Variants in STRIP2 observed in about 807,000 individuals in gnomAD.
The protein encoded by STRIP2 is striatin interacting protein 2, also known as striatin-interacting protein 2.
Under a neutral mutation model 107.1 loss-of-function variants are expected in STRIP2, and 84 were observed. The ratio of observed to expected loss-of-function variants is 0.78; its 90% CI spans 0.66 to 0.94. The LOEUF is 0.94. STRIP2 is among the 40% of genes least tolerant of loss of function. The probability of loss-of-function intolerance (pLI) is 0.00; values close to 1 mark genes in which losing one functional copy is unlikely to be tolerated. For missense variants in STRIP2, 888 were observed against 1,034.2 expected, an observed-to-expected ratio of 0.86 and a Z score of 1.94; for synonymous variants, 394 against 400.4, an observed-to-expected ratio of 0.98 and a Z score of 0.19.
At chr7:129,470,559 G>A in intron 17 of STRIP2, 90 bp from the exon 18 acceptor site, 1 of 1,080,398 alleles carries the variant, frequency 9.3e-7, no homozygotes, top group Non-Finnish European at 1.4e-6. Flanking sequence ...AGGGGCTGCT[G>A]GAGAGAAATA....
At position 129,486,355 on chromosome 7, in the gene STRIP2, CCTT is replaced by C. The variant is rs1213236449; in HGVS notation, c.*530_*532del. 6.3e-6 allele frequency: 1 copy of C among 159,460 alleles called. No homozygotes were observed. Among genetic ancestry groups the C allele is most frequent in the Non-Finnish European group, 1.4e-5 (1 of 71,692 alleles). 9.9% of individuals were successfully genotyped at this position (159,460 alleles called of 1,614,324 possible). ...CTAAGATTATTTTAGAGCACCTGCA[CCTT>C]CTTTGTGAAGGATGATGATTTACTA... On this transcript the variant is annotated 3_prime_UTR_variant, in exon 21 of 21. Coordinates refer to ENST00000249344, the MANE Select transcript of STRIP2 (RefSeq NM_020704.3).
Position 129,458,611 on chromosome 7 carries a change from C to T in STRIP2, c.1275-101C>T, listed in dbSNP as rs1216634095. 1 of 1,395,450 alleles carries T rather than the reference C, an allele frequency of 7.2e-7. No homozygotes were observed. The highest frequency in any genetic ancestry group is 1.0e-6 in the Non-Finnish European group (1 of 995,330). 86.4% of individuals were successfully genotyped at this position (1,395,450 alleles called of 1,614,324 possible). A position where few individuals can be genotyped will look rare whatever the true frequency, so the allele number is the denominator to read the frequency against. On this transcript the variant is annotated intron_variant, in intron 10 of 20. Coordinates refer to ENST00000249344, the MANE Select transcript of STRIP2 (RefSeq NM_020704.3). This position sits in a 1 kb window ranked among gnomAD's most constrained non-coding sequence, Gnocchi z 4.6. The stretch of plus-strand genomic sequence containing the variant: ...TTGATTGCTGCCTTTTTCCACTGCT[C>T]CAGTCCTCTGATTGGAGGGATAGGA...
Position 129,462,396 on chromosome 7 carries a change from T to C in STRIP2, c.1477-570T>C, listed in dbSNP as rs78040868. Reference sequence around the variant, plus strand: ...GATGACAGTGGCCTGAGCAGCTTATTGGGTCCCTGAGACCCCAGCCTCCCC... The same window carrying C: ...GATGACAGTGGCCTGAGCAGCTTATCGGGTCCCTGAGACCCCAGCCTCCCC... On this transcript the variant is annotated intron_variant, in intron 13 of 20. Coordinates refer to ENST00000249344, the MANE Select transcript of STRIP2 (RefSeq NM_020704.3). Among the ~76,000 whole-genome samples, 118 of 152,332 alleles carry C rather than the reference T, an allele frequency of 7.7e-4. 3 individuals are homozygous for C. In the East Asian group the frequency reaches 0.021, roughly 28 times the overall value.
At chr7:129,460,556 G>A in intron 13 of STRIP2, 184 bp downstream of exon 13, 1 of 600,184 alleles carries the variant, frequency 1.7e-6, no homozygotes, top group Non-Finnish European at 3.0e-6. Flanking sequence ...AAAAAGTTAA[G>A]TAAACCAAAC....
chr7:129,443,679 G>T (rs976267646), intron 2 of STRIP2, among the ~76,000 whole-genome samples: 5 of 152,202 alleles, frequency 3.3e-5, no homozygotes, highest in African/African-American at 1.2e-4. Context: ...AGATGGGATA[G>T]TTCCTGGTTG....
chr7:129,436,422 G>A (rs1430143391), intron 1 of STRIP2, among the ~76,000 whole-genome samples: 1 of 152,136 alleles, frequency 6.6e-6, no homozygotes, highest in Non-Finnish European at 1.5e-5. Flanking sequence ...CCAGTACTTT[G>A]CAGTGTCCAG....
chr7:129,483,246 T>C lies in STRIP2; in HGVS notation c.2254+200T>C. On this transcript the variant is annotated intron_variant, in intron 20 of 20. Transcript: ENST00000249344. The surrounding 1 kb of genome is among the most constrained non-coding windows in gnomAD (Gnocchi z 5.1). ...GTATGTACCCTTGTCCTATGTAAAC[T>C]ATGAAAATCCGTTTTATAAAACAAG... The C allele has an allele frequency of 7.9e-7, 1 of 1,267,528 alleles. No homozygotes were observed. The highest frequency in any genetic ancestry group is 9.9e-7 in the Non-Finnish European group (1 of 1,006,482). 78.5% of individuals were successfully genotyped at this position (1,267,528 alleles called of 1,614,324 possible). A position where few individuals can be genotyped will look rare whatever the true frequency, so the allele number is the denominator to read the frequency against.
At position 129,458,206 on chromosome 7, in the gene STRIP2, C is replaced by A; in HGVS notation, c.1039-9C>A. Reference sequence around the variant, plus strand: ...TCTGCATGCCTACCCTCCCTTCTTTCCCCTCCAGCAACTCCTCACTAAGCA... The same window carrying A: ...TCTGCATGCCTACCCTCCCTTCTTTACCCTCCAGCAACTCCTCACTAAGCA... On this transcript the variant is annotated splice_polypyrimidine_tract_variant and intron_variant, in intron 9 of 20. Coordinates refer to ENST00000249344, the MANE Select transcript of STRIP2 (RefSeq NM_020704.3). This position sits in a 1 kb window ranked among gnomAD's most constrained non-coding sequence, Gnocchi z 4.6. 6.2e-7 allele frequency: 1 copy of A among 1,611,038 alleles called. No homozygotes were observed. The highest frequency in any genetic ancestry group is 2.2e-5 in the East Asian group (1 of 44,866).
intron 3 of STRIP2, among the ~76,000 whole-genome samples, chr7:129,445,109 C>A (rs1050538539): frequency 6.6e-6 from 1 of 152,078 alleles, no homozygotes; most frequent in African/African-American, 2.4e-5. Context: ...CCTGAGGGGT[C>A]TGGGTCATTT....
intron 9 of STRIP2, among the ~76,000 whole-genome samples, chr7:129,457,017 G>T (rs1293044470): frequency 6.6e-6 from 1 of 152,134 alleles, no homozygotes; most frequent in Admixed American, 6.5e-5. Context: ...TCTGGGGTAA[G>T]GCATTTTACT....
chr7:129,459,808 T>C (rs1207733067), intron 12 of STRIP2, among the ~76,000 whole-genome samples: 1 of 152,216 alleles, frequency 6.6e-6, no homozygotes, highest in African/African-American at 2.4e-5. Context: ...CTCATTTCTT[T>C]TTCCTCTTCC....
At chr7:129,464,462 G>C in intron 15 of STRIP2, 150 bp from the exon 16 acceptor site, 1 of 790,200 alleles carries the variant, frequency 1.3e-6, no homozygotes. Context: ...GCTCATAAGT[G>C]GGAACTCTGG....
chr7:129,447,003 TGGCA>T (rs1291927599), intron 3 of STRIP2, among the ~76,000 whole-genome samples: 1 of 152,216 alleles, frequency 6.6e-6, no homozygotes, highest in African/African-American at 2.4e-5. Flanking sequence ...CTGCAGAAGA[TGGCA>T]GGGCCTTGCT....
At chr7:129,434,643 C>T (rs894060279) in intron 1 of STRIP2, 42 bp downstream of exon 1, 1 of 1,436,056 alleles carries the variant, frequency 7.0e-7, no homozygotes, top group Non-Finnish European at 9.1e-7. Context: ...CGGAGACGCC[C>T]GCCGGCGGGA....
At chr7:129,472,892 T>C (rs1798828635) in intron 18 of STRIP2, among the ~76,000 whole-genome samples, 1 of 149,444 alleles carries the variant, frequency 6.7e-6, no homozygotes, top group Admixed American at 6.8e-5. Flanking sequence ...GTCCAAGTGA[T>C]TTTCCTGCCT....
At chr7:129,475,591 A>G (rs1370031088) in intron 18 of STRIP2, among the ~76,000 whole-genome samples, 1 of 102,630 alleles carries the variant, frequency 9.7e-6, no homozygotes, top group South Asian at 3.0e-4. Context: ...TTTATTGATC[A>G]TTCTTGGGTG....
intron 19 of STRIP2, 110 bp downstream of exon 19, chr7:129,480,999 G>A (rs532834253): frequency 1.4e-6 from 1 of 723,698 alleles, no homozygotes; most frequent in South Asian, 1.9e-5. Flanking sequence ...TATAGACACT[G>A]AATGCTACAT....
intron 5 of STRIP2, among the ~76,000 whole-genome samples, chr7:129,453,746 T>C (rs1798262870): frequency 6.6e-6 from 1 of 152,222 alleles, no homozygotes; most frequent in South Asian, 2.1e-4. Flanking sequence ...CCTCATGGGC[T>C]ATAGTTCTAG....
In STRIP2 at chr7:129,458,600, T is replaced by G; in HGVS notation, c.1275-112T>G. 7.4e-7 allele frequency: 1 copy of G among 1,349,812 alleles called. No homozygotes were observed. The highest frequency in any genetic ancestry group is 1.0e-6 in the Non-Finnish European group (1 of 963,444). The allele number at this position is 1,349,812 out of a possible 1,614,324, so 83.6% of individuals were successfully genotyped here. A position where few individuals can be genotyped will look rare whatever the true frequency, so the allele number is the denominator to read the frequency against. ...AATTCCTTCTGTTGATTGCTGCCTT[T>G]TTCCACTGCTCCAGTCCTCTGATTG... is the stretch of plus-strand genomic sequence containing the variant. On this transcript the variant is annotated intron_variant, in intron 10 of 20. Coordinates refer to ENST00000249344, the MANE Select transcript of STRIP2 (RefSeq NM_020704.3). The surrounding 1 kb of genome is among the most constrained non-coding windows in gnomAD (Gnocchi z 4.6).
Sources: allele counts gnomAD v4.1 joint callset (sites outside exome capture counted in the v4.1 genomes callset), GRCh38; gene constraint gnomAD v4.1.1; non-coding constraint Gnocchi (gnomAD v3.1); transcripts MANE v1.5; gene names NCBI Gene and HGNC (gene_info 2026-07-23, HGNC 2026-07-21).